Variants in ABLIM1 observed in about 807,000 individuals in gnomAD.
The protein encoded by ABLIM1 is actin-binding LIM protein 1.
ABLIM1 carries 40 observed loss-of-function variants against 107.0 expected under a neutral mutation model. The observed-to-expected ratio is 0.37, with a 90% CI of 0.29 to 0.49. The LOEUF is 0.49. ABLIM1 is among the 20% of genes least tolerant of loss of function. The probability of loss-of-function intolerance (pLI) is 0.97; values close to 1 mark genes in which losing one functional copy is unlikely to be tolerated. For synonymous variants in ABLIM1, 357 were observed against 357.3 expected (o/e 1.00, Z 0.01); for missense variants, 857 against 1,008.5 (o/e 0.85, Z 2.04).
chr10:114,659,315 T>G (rs987075918), upstream of ABLIM1, among the ~76,000 whole-genome samples: 3 of 149,962 alleles, frequency 2.0e-5, no homozygotes, highest in Non-Finnish European at 4.4e-5. Flanking sequence ...AGACCAGCCC[T>G]GGCAACATAG....
At chr10:114,544,067 G>A (rs555059799) in intron 6 of ABLIM1, among the ~76,000 whole-genome samples, 1 of 152,210 alleles carries the variant, frequency 6.6e-6, no homozygotes, top group African/African-American at 2.4e-5. Context: ...CCATGGTGGC[G>A]GGGAGGGGGG....
chr10:114,700,207 T>A (rs763726476), intron 1 of ABLIM1, among the ~76,000 whole-genome samples: 9 of 152,210 alleles, frequency 5.9e-5, no homozygotes, highest in Non-Finnish European at 1.0e-4. Flanking sequence ...TCGAGCATTA[T>A]GGATTACTTC....
At chr10:114,613,333 C>T (rs1480980470) in intron 1 of ABLIM1, among the ~76,000 whole-genome samples, 3 of 152,182 alleles carry the variant, frequency 2.0e-5, no homozygotes, top group South Asian at 2.1e-4. Flanking sequence ...CTCTAACCTG[C>T]TTGGGAGAGC....
At chr10:114,590,617 G>T (rs2074755818) in intron 2 of ABLIM1, among the ~76,000 whole-genome samples, 2 of 152,274 alleles carry the variant, frequency 1.3e-5, no homozygotes, top group East Asian at 1.9e-4. Flanking sequence ...TTTTAGTTCT[G>T]CAGGCATAGC....
intron 1 of ABLIM1, among the ~76,000 whole-genome samples, chr10:114,657,362 G>A (rs2079571801): frequency 6.6e-6 from 1 of 152,174 alleles, no homozygotes; most frequent in Non-Finnish European, 1.5e-5. Context: ...AAACTCCCAA[G>A]TGCAATAACT....
chr10:114,701,160 T>G (rs576573377), intron 1 of ABLIM1, among the ~76,000 whole-genome samples: 2 of 152,256 alleles, frequency 1.3e-5, no homozygotes, highest in African/African-American at 4.8e-5. Flanking sequence ...AGGTTAGATA[T>G]GCAAATGACC....
chr10:114,505,060 AC>A (rs1292481716), intron 6 of ABLIM1, among the ~76,000 whole-genome samples: 1 of 152,074 alleles, frequency 6.6e-6, no homozygotes, highest in African/African-American at 2.4e-5. Context: ...AGAGGGAGAG[AC>A]CCCAAATCCA....
chr10:114,482,438 A>T (rs916715212), intron 8 of ABLIM1, among the ~76,000 whole-genome samples: 4 of 152,226 alleles, frequency 2.6e-5, no homozygotes, highest in Non-Finnish European at 5.9e-5. Context: ...AGTTTATCTA[A>T]TAACTAAGGG....
chr10:114,590,328 C>T (rs1299989000), intron 2 of ABLIM1, among the ~76,000 whole-genome samples: 3 of 152,118 alleles, frequency 2.0e-5, no homozygotes, highest in Non-Finnish European at 4.4e-5. Context: ...AAATGCTAGA[C>T]CCCAACCACG....
intron 1 of ABLIM1, among the ~76,000 whole-genome samples, chr10:114,618,451 T>C (rs1264085139): frequency 6.6e-6 from 1 of 152,188 alleles, no homozygotes; most frequent in Non-Finnish European, 1.5e-5. Flanking sequence ...GTGTTCTCAG[T>C]ATTGTTTTAA....
intron 1 of ABLIM1, among the ~76,000 whole-genome samples, chr10:114,765,832 A>G (rs2082879376): frequency 6.6e-6 from 1 of 152,146 alleles, no homozygotes; most frequent in African/African-American, 2.4e-5. Context: ...AATTAACAAC[A>G]TCTAGTATCA....
At chr10:114,769,397 GA>G (rs1257170995), upstream of ABLIM1, among the ~76,000 whole-genome samples, 13 of 97,946 alleles carry the variant, frequency 1.3e-4, no homozygotes, top group African/African-American at 4.4e-4. Context: ...AAGAAAGAAA[GA>G]AAAGAAAGAA....
chr10:114,684,829 C>T lies in ABLIM1; in HGVS notation c.-476G>A, dbSNP rs77873794. 5.0e-3 allele frequency: 3,154 copies of T among 631,782 alleles called. 78 individuals are homozygous for T. In the African/African-American group the frequency reaches 0.055, roughly 11 times the overall value. 39.1% of individuals were successfully genotyped at this position (631,782 alleles called of 1,614,324 possible). A position where few individuals can be genotyped will look rare whatever the true frequency, so the allele number is the denominator to read the frequency against. On this transcript the variant is annotated 5_prime_UTR_variant, in exon 1 of 24. Coordinates refer to the ABLIM1 transcript ENST00000369256. The stretch of plus-strand genomic sequence containing the variant: ...AAGAAAAGGATCGATTATTCCCCAG[C>T]CTTCTGCCTCCTCTTTTTCCTTAAT...
chr10:114,607,428 A>G (rs1477083292), intron 1 of ABLIM1, among the ~76,000 whole-genome samples: 1 of 151,938 alleles, frequency 6.6e-6, no homozygotes, highest in Non-Finnish European at 1.5e-5. Flanking sequence ...CTAACTCCCC[A>G]CTCCTTAAGT....
At position 114,453,254 on chromosome 10, in the gene ABLIM1, C is replaced by T. The variant is rs572189593; in HGVS notation, c.1546+125G>A. 2.5e-4 allele frequency: 248 copies of T among 1,007,876 alleles called. 1 individual carries two copies. Among genetic ancestry groups the T allele is most frequent in the Non-Finnish European group, 3.6e-4 (235 of 653,958 alleles). 62.4% of individuals were successfully genotyped at this position (1,007,876 alleles called of 1,614,324 possible). ...GAAAGGCCCCCTAGGTCAGATCCTG[C>T]AATTTAGGGTTTGTTAACTGTGCAT... On this transcript the variant is annotated intron_variant, in intron 13 of 22. Coordinates refer to ENST00000533213, the MANE Select transcript of ABLIM1 (RefSeq NM_002313.7).
intron 1 of ABLIM1, among the ~76,000 whole-genome samples, chr10:114,703,628 A>G (rs1329111559): frequency 6.6e-6 from 1 of 152,226 alleles, no homozygotes; most frequent in Non-Finnish European, 1.5e-5. Flanking sequence ...GCCTTCAGGA[A>G]CACCTCAGGA....
At chr10:114,594,987 C>T (rs2075273817) in intron 2 of ABLIM1, 1 of 151,946 alleles carries the variant, frequency 6.6e-6, no homozygotes, top group Non-Finnish European at 1.5e-5. Context: ...AAAGATAAGG[C>T]AGGGACATGT....
intron 6 of ABLIM1, among the ~76,000 whole-genome samples, chr10:114,498,953 C>G (rs2060037832): frequency 1.3e-5 from 2 of 152,166 alleles, no homozygotes; most frequent in Non-Finnish European, 2.9e-5. Flanking sequence ...GGCTTTGTAT[C>G]AAGACTTTAA....
At chr10:114,614,993 T>C (rs1448283693) in intron 1 of ABLIM1, among the ~76,000 whole-genome samples, 1 of 149,078 alleles carries the variant, frequency 6.7e-6, no homozygotes, top group East Asian at 2.0e-4. Flanking sequence ...GAGATTGCAG[T>C]GAGCCGTGAT....
Sources: gnomAD v4.1 joint callset for allele counts (sites outside exome capture counted in the v4.1 genomes callset) on GRCh38, gnomAD v4.1.1 for gene constraint, MANE v1.5 for transcripts, NCBI Gene and HGNC (gene_info 2026-07-23, HGNC 2026-07-21) for gene names.